Variants in RAP1GDS1 observed in about 807,000 individuals in gnomAD.
RAP1GDS1 encodes Rap1 GTPase-GDP dissociation stimulator 1, also known as RAP1, GTP-GDP dissociation stimulator 1.
In RAP1GDS1, 35 loss-of-function variants were observed where a neutral mutation model predicts 71.1. That is an observed-to-expected ratio of 0.49 (90% CI 0.38 to 0.65). The LOEUF (loss-of-function observed/expected upper bound fraction) is 0.65, where lower values mean the gene tolerates loss of function less well. Among genes scored for constraint, RAP1GDS1 ranks in the 30% least tolerant of loss-of-function variants. The probability of loss-of-function intolerance (pLI) is 0.00; values close to 1 mark genes in which losing one functional copy is unlikely to be tolerated. For synonymous variants in RAP1GDS1, 229 were observed against 243.1 expected (o/e 0.94, Z 0.54); for missense variants, 663 against 706.1 (o/e 0.94, Z 0.69).
At chr4:98,417,308 G>C in intron 8 of RAP1GDS1, 59 bp from the exon 9 acceptor site, 1 of 1,526,184 alleles carries the variant, frequency 6.6e-7, no homozygotes, top group Non-Finnish European at 9.0e-7. Flanking sequence ...CTAAGAATGT[G>C]AATTTGTTAC....
At chr4:98,327,317 A>G (rs1264500032) in intron 2 of RAP1GDS1, among the ~76,000 whole-genome samples, 2 of 152,224 alleles carry the variant, frequency 1.3e-5, no homozygotes, top group Non-Finnish European at 2.9e-5. Context: ...AAAGGTTTTT[A>G]ATAGAAAAAA....
chr4:98,443,718 C>T lies in RAP1GDS1; in HGVS notation c.*1601C>T, dbSNP rs774973171. 1 of 196,738 alleles carries T rather than the reference C, an allele frequency of 5.1e-6. No homozygotes were observed. The highest frequency in any genetic ancestry group is 1.1e-5 in the Non-Finnish European group (1 of 94,950). 12.2% of individuals were successfully genotyped at this position (196,738 alleles called of 1,614,324 possible). On this transcript the variant is annotated 3_prime_UTR_variant, in exon 15 of 15. Transcript: ENST00000408927. ...GGAACTATTGTGAGTACGTATGCTACACTTACTATAAGAATGATACTGTTT... is the reference window on the plus strand; with the variant it reads ...GGAACTATTGTGAGTACGTATGCTATACTTACTATAAGAATGATACTGTTT...
At chr4:98,282,576 ATTT>A (rs61020374) in intron 1 of RAP1GDS1, among the ~76,000 whole-genome samples, 20,304 of 133,528 alleles carry the variant, frequency 0.15, 1,958 homozygotes, top group African/African-American at 0.3. Flanking sequence ...GGATTCATTG[ATTT>A]TTTTTTTTTT....
rs374785569 is a variant in RAP1GDS1, at chr4:98,290,920, G to C, written c.5-2488G>C. Among the ~76,000 whole-genome samples, 6 of 152,224 alleles carry C rather than the reference G, an allele frequency of 3.9e-5. No homozygotes were observed. In the South Asian group the frequency reaches 1.0e-3, roughly 26 times the overall value. On this transcript the variant is annotated intron_variant, in intron 1 of 14. Transcript: ENST00000408927. Reference sequence around the variant, plus strand: ...ATTATTCAGGAAGAGAAGAGGCTCTGTGCACAACTGGGGTCACACTAATAT... The same window carrying C: ...ATTATTCAGGAAGAGAAGAGGCTCTCTGCACAACTGGGGTCACACTAATAT...
At chr4:98,311,858 C>T (rs1474167305) in intron 2 of RAP1GDS1, among the ~76,000 whole-genome samples, 2 of 152,174 alleles carry the variant, frequency 1.3e-5, no homozygotes, top group African/African-American at 4.8e-5. Context: ...AGGCTGGTCT[C>T]AAACTTCTGG....
chr4:98,408,988 C>G (rs574040940), intron 7 of RAP1GDS1, among the ~76,000 whole-genome samples: 1 of 151,994 alleles, frequency 6.6e-6, no homozygotes. Flanking sequence ...GGATCATCCC[C>G]GCTTCCATTT....
At chr4:98,390,166 T>G (rs1042642577) in intron 5 of RAP1GDS1, among the ~76,000 whole-genome samples, 6 of 152,258 alleles carry the variant, frequency 3.9e-5, no homozygotes, top group African/African-American at 1.4e-4. Flanking sequence ...CTAAATAATT[T>G]CTAACTTGGA....
intron 2 of RAP1GDS1, among the ~76,000 whole-genome samples, chr4:98,306,508 T>C (rs770994774): frequency 1.1e-4 from 16 of 152,236 alleles, no homozygotes; most frequent in Non-Finnish European, 1.9e-4. Flanking sequence ...ACATGACTTT[T>C]GGGTGGGACA....
chr4:98,318,994 G>A (rs1731364394), intron 2 of RAP1GDS1, among the ~76,000 whole-genome samples: 1 of 152,180 alleles, frequency 6.6e-6, no homozygotes, highest in South Asian at 2.1e-4. Context: ...TCTGGGGGGG[G>A]AAATGAGGTT....
At chr4:98,399,222 C>T (rs1744997396) in intron 6 of RAP1GDS1, among the ~76,000 whole-genome samples, 1 of 152,182 alleles carries the variant, frequency 6.6e-6, no homozygotes, top group Non-Finnish European at 1.5e-5. Flanking sequence ...TAAATAGGAT[C>T]ATATCAAATG....
At chr4:98,389,037 A>G (rs1228973916) in intron 5 of RAP1GDS1, among the ~76,000 whole-genome samples, 5 of 141,910 alleles carry the variant, frequency 3.5e-5, no homozygotes, top group African/African-American at 1.5e-4. Flanking sequence ...GAAGAAAACA[A>G]TGGCTACTAA....
At chr4:98,410,672 A>G (rs1407334393) in intron 7 of RAP1GDS1, among the ~76,000 whole-genome samples, 2 of 152,246 alleles carry the variant, frequency 1.3e-5, no homozygotes, top group Non-Finnish European at 2.9e-5. Flanking sequence ...GAGTTATGAA[A>G]AGGAATGAAG....
intron 2 of RAP1GDS1, among the ~76,000 whole-genome samples, chr4:98,306,976 G>A (rs1729414100): frequency 6.6e-6 from 1 of 152,044 alleles, no homozygotes; most frequent in Non-Finnish European, 1.5e-5. Context: ...AATCTATAAT[G>A]AGACATTTTT....
At chr4:98,441,798 A>AAAGTT (rs1326002101) in intron 14 of RAP1GDS1, 192 bp from the exon 15 acceptor site, 1 of 563,862 alleles carries the variant, frequency 1.8e-6, no homozygotes, top group Non-Finnish European at 2.2e-6. Context: ...AAAAAAAAGT[A>AAAGTT]AAGTTTTTAT....
intron 2 of RAP1GDS1, among the ~76,000 whole-genome samples, chr4:98,329,788 C>CAAA (rs34140500): frequency 1.8e-4 from 8 of 43,404 alleles, no homozygotes; most frequent in Admixed American, 2.5e-4. Context: ...GACTCCATCT[C>CAAA]AAAAAAAAAA....
intron 14 of RAP1GDS1, chr4:98,441,283 G>T (rs1253449137): frequency 7.5e-6 from 7 of 932,532 alleles, no homozygotes; most frequent in Non-Finnish European, 9.0e-6. Context: ...ACAGTTCTCA[G>T]AGTCCTAACA....
chr4:98,416,427 AGTTCCGCCTCCCAG>A (rs1361113605), intron 7 of RAP1GDS1, among the ~76,000 whole-genome samples: 1 of 138,364 alleles, frequency 7.2e-6, no homozygotes, highest in Admixed American at 8.1e-5. Flanking sequence ...GCTCACTGCA[AGTTCCGCCTCCCAG>A]GTTCACGCCA....
intron 12 of RAP1GDS1, among the ~76,000 whole-genome samples, chr4:98,424,738 G>A (rs1184319330): frequency 6.8e-6 from 1 of 147,588 alleles, no homozygotes; most frequent in East Asian, 2.0e-4. Flanking sequence ...TCCATCCTGG[G>A]TGACAGAGCA....
At chr4:98,324,423 T>A (rs1485068862) in intron 2 of RAP1GDS1, among the ~76,000 whole-genome samples, 8 of 151,818 alleles carry the variant, frequency 5.3e-5, no homozygotes, top group African/African-American at 1.9e-4. Context: ...AAAACTACTT[T>A]AAAGTTCATA....
Sources: gnomAD v4.1 joint callset for allele counts (sites outside exome capture counted in the v4.1 genomes callset) on GRCh38, gnomAD v4.1.1 for gene constraint, MANE v1.5 for transcripts, NCBI Gene and HGNC (gene_info 2026-07-23, HGNC 2026-07-21) for gene names.